Variants in GHDC observed in about 807,000 individuals in gnomAD.
GHDC encodes GH3 domain-containing protein.
In GHDC, 39 loss-of-function variants were observed where a neutral mutation model predicts 51.5. The observed-to-expected ratio is 0.76, with a 90% confidence interval of 0.59 to 0.99. The LOEUF (loss-of-function observed/expected upper bound fraction) is 0.99, where lower values mean the gene tolerates loss of function less well. Among genes scored for constraint, GHDC ranks in the 50% least tolerant of loss-of-function variants. GHDC has a pLI of 0.00. For synonymous variants in GHDC, 282 were observed against 305.2 expected, an observed-to-expected ratio of 0.92 and a Z score of 0.79; for missense variants, 610 against 672.8, an observed-to-expected ratio of 0.91 and a Z score of 1.03.
Position 42,193,462 on chromosome 17 carries a change from TG to T in GHDC, c.119del (p.Ala40AspfsTer31). ...SWLAGLQHRVAWGALVWAATW... is the reference protein window; with the variant it reads ...SWLAGLQHRVXWGALVWAATW... Reference sequence around the variant, plus strand: ...TGGCTGCCCAGACCAGGGCCCCCCATGCCACTCGGTGCTGGAGGCCAGCAAG... The same window carrying T: ...TGGCTGCCCAGACCAGGGCCCCCCATCCACTCGGTGCTGGAGGCCAGCAAG... On this transcript the variant is annotated frameshift_variant, in exon 3 of 10. Transcript: ENST00000587427. LOFTEE classifies it high-confidence loss of function. The T allele has an allele frequency of 6.4e-7, 1 of 1,556,228 alleles. No individual in the cohort carries two copies. Among genetic ancestry groups the T allele is most frequent in the Non-Finnish European group, 8.7e-7 (1 of 1,149,972 alleles).
chr17:42,192,825 C>A, intron 4 of GHDC, 81 bp downstream of exon 4: 1 of 1,569,712 alleles, frequency 6.4e-7, no homozygotes. Context: ...CCCACCATGA[C>A]TGGAGGGTTT....
At chr17:42,191,465 C>CT (rs369857496) in intron 5 of GHDC, among the ~76,000 whole-genome samples, 37 of 147,896 alleles carry the variant, frequency 2.5e-4, no homozygotes, top group South Asian at 2.1e-4. Flanking sequence ...GTGCAAGACT[C>CT]TTTTTTTTTT....
chr17:42,193,316 C>T lies in GHDC; in HGVS notation c.265+1G>A, dbSNP rs748909315. On this transcript the variant is annotated splice_donor_variant, in intron 3 of 9. Transcript: ENST00000587427. LOFTEE classifies it high-confidence loss of function. Reference sequence around the variant, plus strand: ...ACCTCCCCAGACCCTGGGAAACACACCTGTGCTCCTTCTGAGGGAACAGTG... The same window carrying T: ...ACCTCCCCAGACCCTGGGAAACACATCTGTGCTCCTTCTGAGGGAACAGTG... 5.6e-6 allele frequency: 9 copies of T among 1,596,932 alleles called. No homozygotes were observed. Among genetic ancestry groups the T allele is most frequent in the Admixed American group, 1.7e-5 (1 of 57,170 alleles).
chr17:42,192,654 G>A lies in GHDC; in HGVS notation c.476C>T (p.Pro159Leu), dbSNP rs749384218. Residue 159 changes from proline to leucine, a missense_variant, in exon 5 of 10, where the codon CCT becomes CTT. Pro to Leu is a moderately conservative substitution (Grantham distance 98). Coordinates refer to ENST00000587427, the MANE Select transcript of GHDC (RefSeq NM_032484.5). Reference protein sequence around the residue: ...GRTARVTLTSPWPRPLPWPGN... With the variant: ...GRTARVTLTSLWPRPLPWPGN... ...AGGCCAAGGCAGGGGTCGGGGCCAA[G>A]GGGATGTAAGCGTCACACGGGCAGT... 1 of 1,608,258 alleles carries A rather than the reference G, an allele frequency of 6.2e-7. No individual in the cohort carries two copies. Among genetic ancestry groups the A allele is most frequent in the African/African-American group, 1.3e-5 (1 of 74,746 alleles).
intron 5 of GHDC, among the ~76,000 whole-genome samples, chr17:42,191,670 C>T (rs142033557): frequency 0.046 from 6,944 of 151,634 alleles, 220 homozygotes; most frequent in Non-Finnish European, 0.065. Flanking sequence ...ATTGGCCAGG[C>T]TGGTCTTAAA....
chr17:42,193,641 C>T, intron 2 of GHDC, 47 bp from the exon 3 acceptor site: 1 of 1,483,724 alleles, frequency 6.7e-7, no homozygotes, highest in Non-Finnish European at 9.0e-7. Context: ...AGCAATTATC[C>T]ATTTCTCCTC....
Position 42,193,013 on chromosome 17 carries a change from G to T in GHDC, c.280C>A (p.Arg94=), listed in dbSNP as rs182734817. 1 of 1,614,140 alleles carries T rather than the reference G, an allele frequency of 6.2e-7. No individual in the cohort carries two copies. The part of the protein sequence containing the change: ...LRRSTDISTF[R]NHLPLTKASQ... ...GCCTTGGTCAGAGGGAGATGATTCC[G>T]GAAGGTGCTTATGTCTATAGCCCCA... Residue 94 remains arginine, a synonymous_variant, in exon 4 of 10, where the codon CGG becomes AGG. Coordinates refer to ENST00000587427, the MANE Select transcript of GHDC (RefSeq NM_032484.5).
Position 42,189,824 on chromosome 17 carries a change from G to A in GHDC, c.1472C>T (p.Ala491Val). The change falls in exon 10 of 10, where the codon GCC becomes GTC. Residue 491 changes from alanine (A) to valine (V), a missense_variant. Ala to Val is a moderately conservative substitution (Grantham distance 64, BLOSUM62 0). This residue lies in a region of GHDC where 412 missense variants were observed against 410.4 expected (regional missense o/e 1.00). Coordinates refer to ENST00000587427, the MANE Select transcript of GHDC (RefSeq NM_032484.5). ...GAGGGCTGCCCGGAGTGCTCGGAAG[G>A]CTCCCTGCCCCACCAGGTGGACTCT... ...PARVHLVGQG[A>V]FRALRAALAA... 2 of 1,559,874 alleles carry A rather than the reference G, an allele frequency of 1.3e-6. No homozygotes were observed. The highest frequency in any genetic ancestry group is 1.7e-6 in the Non-Finnish European group (2 of 1,153,172).
In GHDC at chr17:42,190,679, C is replaced by T; in HGVS notation, c.1233G>A (p.Gly411=). The T allele has an allele frequency of 6.2e-7, 1 of 1,613,756 alleles. No individual in the cohort carries two copies. The highest frequency in any genetic ancestry group is 1.3e-5 in the African/African-American group (1 of 75,024). The change falls in exon 8 of 10, where the codon GGG becomes GGA. Residue 411 remains glycine (G), a synonymous_variant. Transcript: ENST00000587427. ...CCAGCAGCTTGGCCCCCGCCCACTG[C>T]CCCACTGCCCGGCCCAGGGCCTCAG... ...LFSEALGRAV[G]QWAGAKLLDH...
rs371516105 is a variant in GHDC, at chr17:42,192,942, C to A, written c.351G>T (p.Pro117=). 6.2e-7 allele frequency: 1 copy of A among 1,613,956 alleles called. No individual in the cohort carries two copies. Among genetic ancestry groups the A allele is most frequent in the Non-Finnish European group, 8.5e-7 (1 of 1,179,990 alleles). The change falls in exon 4 of 10, where the codon CCG becomes CCT. Residue 117 remains proline (P), a synonymous_variant. Coordinates refer to ENST00000587427, the MANE Select transcript of GHDC (RefSeq NM_032484.5). ...CCTCCCCAAGGTCCTGGTTTGAGGTCGGGGGCAGTGGCTGCTCTCCACTGT... is the reference window on the plus strand; with the variant it reads ...CCTCCCCAAGGTCCTGGTTTGAGGTAGGGGGCAGTGGCTGCTCTCCACTGT... ...QEDSGEQPLP[P]TSNQDLGEAS...
chr17:42,192,187 G>A, intron 5 of GHDC, 54 bp downstream of exon 5: 1 of 1,506,316 alleles, frequency 6.6e-7, no homozygotes, highest in Non-Finnish European at 8.9e-7. Flanking sequence ...ATGGCTGCTT[G>A]TCATGTGACC....
At chr17:42,190,961 A>G (rs910479284) in intron 6 of GHDC, 57 bp downstream of exon 6, 1 of 1,575,192 alleles carries the variant, frequency 6.3e-7, no homozygotes, top group South Asian at 1.2e-5. Flanking sequence ...CTCATGCCCC[A>G]GGCCCCCAGC....
At position 42,193,754 on chromosome 17, in the gene GHDC, G is replaced by C. The variant is rs999190771; in HGVS notation, c.-14+13C>G. ...CAAAGGAGAGACTATCAAAGCTTTGGAGTCCCACTGACCTGAGTGCAGATC... is the reference window on the plus strand; with the variant it reads ...CAAAGGAGAGACTATCAAAGCTTTGCAGTCCCACTGACCTGAGTGCAGATC... On this transcript the variant is annotated intron_variant, in intron 2 of 9. Transcript: ENST00000587427. 5.6e-6 allele frequency: 5 copies of C among 890,890 alleles called. No homozygotes were observed. The African/African-American group carries it at 8.5e-5, about 15-fold the overall frequency. 55.2% of individuals were successfully genotyped at this position (890,890 alleles called of 1,614,324 possible).
intron 5 of GHDC, 43 bp from the exon 6 acceptor site, chr17:42,191,253 C>T (rs377178452): frequency 1.2e-5 from 18 of 1,458,436 alleles, no homozygotes; most frequent in South Asian, 9.0e-5. Flanking sequence ...CTGGTGCCAT[C>T]GCTTTCTGCC....
Position 42,191,129 on chromosome 17 carries a change from A to G in GHDC, c.971T>C (p.Leu324Pro). Residue 324 changes from leucine (L) to proline (P), a missense_variant, in exon 6 of 10, where the codon CTC becomes CCC. This residue lies in a region of GHDC where 412 missense variants were observed against 410.4 expected (regional missense o/e 1.00). Coordinates refer to ENST00000587427, the MANE Select transcript of GHDC (RefSeq NM_032484.5). The stretch of plus-strand genomic sequence containing the variant: ...CTCCTGGGTGCCTTCCTTGACTGGG[A>G]GCAGCTCGATAAAGGGGGCCCCAGG... The part of the protein sequence containing the change: ...LPPGAPFIEL[L>P]PVKEGTQEEA... 6.4e-7 allele frequency: 1 copy of G among 1,558,696 alleles called. No individual in the cohort carries two copies. The highest frequency in any genetic ancestry group is 8.6e-7 in the Non-Finnish European group (1 of 1,157,332).
chr17:42,191,143 G>C lies in GHDC; in HGVS notation c.957C>G (p.Pro319=). The C allele has an allele frequency of 6.4e-7, 1 of 1,551,430 alleles. No individual in the cohort carries two copies. The highest frequency in any genetic ancestry group is 8.7e-7 in the Non-Finnish European group (1 of 1,152,766). ...HGLYLLPPGA[P]FIELLPVKEG... ...CCTTGACTGGGAGCAGCTCGATAAA[G>C]GGGGCCCCAGGGGGCAGAAGGTAGA... The change falls in exon 6 of 10, where the codon CCC becomes CCG. Residue 319 remains proline, a synonymous_variant. Coordinates refer to ENST00000587427, the MANE Select transcript of GHDC (RefSeq NM_032484.5).
chr17:42,193,163 A>T, intron 3 of GHDC, 136 bp from the exon 4 acceptor site: 1 of 1,543,352 alleles, frequency 6.5e-7, no homozygotes, highest in Non-Finnish European at 8.8e-7. Flanking sequence ...AGCATGGGAA[A>T]TTCATCTTGG....
chr17:42,192,519 ACAGCCGTCC>A lies in GHDC; in HGVS notation c.602_610del (p.Gly201_Ala203del). On this transcript the variant is annotated inframe_deletion, in exon 5 of 10. Transcript: ENST00000587427. ...GCCCAAGAAAACATCCAGAAGTTCG[ACAGCCGTCC>A]CAGCCTCCAGTGCCCTCAGCCCTGG... 1 of 1,613,698 alleles carries A rather than the reference ACAGCCGTCC, an allele frequency of 6.2e-7. No homozygotes were observed. Among genetic ancestry groups the A allele is most frequent in the East Asian group, 2.2e-5 (1 of 44,888 alleles).
chr17:42,192,836 G>T, intron 4 of GHDC, 70 bp downstream of exon 4: 2 of 1,577,092 alleles, frequency 1.3e-6, no homozygotes, highest in Non-Finnish European at 1.7e-6. Flanking sequence ...TGGAGGGTTT[G>T]GCTGCAAGTC....
Sources: gnomAD v4.1 joint callset for allele counts (sites outside exome capture counted in the v4.1 genomes callset) on GRCh38, gnomAD v4.1.1 for gene constraint, gnomAD v4.1.1 regional missense constraint, MANE v1.5 for transcripts, NCBI Gene and HGNC (gene_info 2026-07-23, HGNC 2026-07-21) for gene names.